PAK3: variants seen among roughly 807,000 people sequenced by gnomAD.
The protein encoded by PAK3 is serine/threonine-protein kinase PAK 3.
A neutral mutation model predicts 41.0 loss-of-function variants in PAK3; 4 were observed. That is an observed-to-expected ratio of 0.10 (90% CI 0.05 to 0.22). PAK3 has a LOEUF of 0.22. PAK3 is among the 10% of genes least tolerant of loss of function. The pLI is 1.00. For missense variants in PAK3, 205 were observed against 409.9 expected (o/e 0.50, Z 4.32); for synonymous variants, 146 against 139.6 (o/e 1.05, Z -0.32).
chrX:111,037,119 A>G (rs1294203536), intron 1 of PAK3, among the ~76,000 whole-genome samples: 4 of 110,867 alleles, frequency 3.6e-5, no homozygotes, highest in Non-Finnish European at 7.6e-5. Context: ...TAGCTTTTGT[A>G]TTTTTAATAG....
intron 1 of PAK3, among the ~76,000 whole-genome samples, chrX:111,090,784 A>G (rs1444003390): frequency 8.9e-6 from 1 of 112,391 alleles, no homozygotes; most frequent in African/African-American, 3.2e-5. Context: ...ATAAAAATAA[A>G]TAAGATTTGG....
At chrX:111,041,813 A>T (rs1399594804) in intron 1 of PAK3, among the ~76,000 whole-genome samples, 1 of 110,650 alleles carries the variant, frequency 9.0e-6, no homozygotes, top group Non-Finnish European at 1.9e-5. Flanking sequence ...GACCACCCCA[A>T]CTCAGTGGAA....
chrX:110,983,529 C>T (rs373853781), intron 1 of PAK3, among the ~76,000 whole-genome samples: 2 of 100,296 alleles, frequency 2.0e-5, no homozygotes, highest in African/African-American at 3.6e-5. Context: ...TGTATGTCTG[C>T]GTGTGTGTGT....
At chrX:111,204,843 T>C (rs189144501) in intron 16 of PAK3, among the ~76,000 whole-genome samples, 3 of 109,068 alleles carry the variant, frequency 2.8e-5, no homozygotes, top group Admixed American at 2.0e-4. Context: ...TTCTTTTCTT[T>C]TGCTTTATTT....
intron 1 of PAK3, among the ~76,000 whole-genome samples, chrX:111,006,976 A>T (rs767162895): frequency 9.4e-6 from 1 of 106,766 alleles, no homozygotes; most frequent in South Asian, 4.4e-4. Flanking sequence ...TCCCAAACAA[A>T]ATGTTGAGTT....
chrX:111,111,338 G>C (rs996127610), intron 4 of PAK3, among the ~76,000 whole-genome samples: 5 of 111,705 alleles, frequency 4.5e-5, no homozygotes, highest in African/African-American at 1.6e-4. Flanking sequence ...AAGATGCTTA[G>C]ATATGTGTCT....
intron 1 of PAK3, among the ~76,000 whole-genome samples, chrX:111,006,317 G>A (rs745677489): frequency 1.3e-4 from 15 of 111,848 alleles, no homozygotes; most frequent in East Asian, 2.8e-4. Context: ...CTGTGATTAC[G>A]TAAGAGGATG....
Position 111,216,442 on chromosome X carries a change from A to G in PAK3, c.1429A>G (p.Asn477Asp). ...PLRALYLIATNGTPELQNPER... is the reference protein window; with the variant it reads ...PLRALYLIATDGTPELQNPER... ...ACAGGCATTGTATCTGATAGCCACT[A>G]ATGGAACTCCAGAGCTCCAGAATCC... Residue 477 changes from asparagine (N) to aspartate (D), a missense_variant, in exon 17 of 18, where the codon AAT (asparagine) becomes GAT (aspartate). Asn to Asp is a conservative substitution (Grantham distance 23, BLOSUM62 1). Transcript: ENST00000372007. 1 of 1,186,482 alleles carries G rather than the reference A, an allele frequency of 8.4e-7. No individual in the cohort carries two copies.
intron 4 of PAK3, among the ~76,000 whole-genome samples, chrX:111,119,703 G>C (rs2093535507): frequency 8.9e-6 from 1 of 112,166 alleles, no homozygotes; most frequent in East Asian, 2.8e-4. Flanking sequence ...GATTGGCATT[G>C]TTTATAAACA....
rs1273468716 is a variant in PAK3, at chrX:111,005,022, G to A, written c.-28+60394G>A. 3.6e-5 allele frequency among the ~76,000 whole-genome samples: 4 copies of A among 111,899 alleles called. No individual in the cohort carries two copies. In the Admixed American group the frequency reaches 3.8e-4, roughly 11 times the overall value. ...TCCATCTGAGTTGGCTAGTTCTCTC[G>A]AATATTAAAGAATATCAATATATAC... is the stretch of plus-strand genomic sequence containing the variant. On this transcript the variant is annotated intron_variant, in intron 1 of 14. Coordinates refer to the PAK3 transcript ENST00000425146.
intron 1 of PAK3, among the ~76,000 whole-genome samples, chrX:110,951,856 T>C (rs750601150): frequency 3.8e-4 from 43 of 112,491 alleles, no homozygotes; most frequent in African/African-American, 1.2e-3. Flanking sequence ...CAGCAGGCAA[T>C]GATGAACTAA....
chrX:110,997,258 A>T (rs1322951599), intron 1 of PAK3, among the ~76,000 whole-genome samples: 1 of 111,110 alleles, frequency 9.0e-6, no homozygotes, highest in Admixed American at 9.6e-5. Context: ...GCTTTTACTG[A>T]GTAAGAAGGG....
chrX:111,184,449 G>A lies in PAK3; in HGVS notation c.831-7678G>A, dbSNP rs542860382. On this transcript the variant is annotated intron_variant, in intron 11 of 17. Coordinates refer to ENST00000372007, the MANE Select transcript of PAK3 (RefSeq NM_002578.5). ...AAGTTCTGGGATACGTGTGCAGAAC[G>A]TGCAGGTTTGTTACATAGGTATACA... Among the ~76,000 whole-genome samples the A allele has an allele frequency of 1.9e-4, 20 of 107,954 alleles. No homozygotes were observed. The South Asian group carries it at 8.0e-3, about 43-fold the overall frequency. 93.7% of individuals were successfully genotyped at this position (107,954 alleles called of 115,157 possible). A position where few individuals can be genotyped will look rare whatever the true frequency, so the allele number is the denominator to read the frequency against.
chrX:111,029,546 T>A (rs1415251981), intron 1 of PAK3, among the ~76,000 whole-genome samples: 1 of 111,627 alleles, frequency 9.0e-6, no homozygotes, highest in East Asian at 2.8e-4. Flanking sequence ...ATCAAGAAAG[T>A]CATGAGGAAG....
At chrX:111,158,493 A>T (rs150383821) in intron 8 of PAK3, among the ~76,000 whole-genome samples, 133 of 111,708 alleles carry the variant, frequency 1.2e-3, no homozygotes, top group Non-Finnish European at 1.9e-3. Flanking sequence ...GTATTTTTTA[A>T]CTCAGGGACA....
At chrX:111,121,483 A>C (rs962131549) in intron 4 of PAK3, among the ~76,000 whole-genome samples, 1 of 112,028 alleles carries the variant, frequency 8.9e-6, no homozygotes, top group African/African-American at 3.2e-5. Context: ...ACCTAACATG[A>C]TGTAACTTAG....
intron 11 of PAK3, among the ~76,000 whole-genome samples, chrX:111,175,778 CAA>C (rs912690476): frequency 8.9e-6 from 1 of 111,850 alleles, no homozygotes; most frequent in African/African-American, 3.3e-5. Context: ...CTTTGTGTAA[CAA>C]AGAGATTTCC....
chrX:111,194,010 A>G, intron 13 of PAK3, among the ~76,000 whole-genome samples: 1 of 111,386 alleles, frequency 9.0e-6, no homozygotes, highest in East Asian at 2.9e-4. Context: ...CCTATAATTC[A>G]TCTTTCTTGA....
At chrX:111,187,026 T>C (rs1038431241) in intron 11 of PAK3, among the ~76,000 whole-genome samples, 1 of 111,542 alleles carries the variant, frequency 9.0e-6, no homozygotes, top group African/African-American at 3.2e-5. Context: ...CCTTCAATTA[T>C]TTGTCTTTGT....
Sources: gnomAD v4.1 joint callset for allele counts (sites outside exome capture counted in the v4.1 genomes callset) on GRCh38, gnomAD v4.1.1 for gene constraint, MANE v1.5 for transcripts, NCBI Gene and HGNC (gene_info 2026-07-23, HGNC 2026-07-21) for gene names.